Variants in B3GALNT2 observed in about 807,000 individuals in gnomAD.
B3GALNT2 encodes the protein beta-1,3-N-acetylgalactosaminyltransferase 2, also known as UDP-GalNAc:beta-1,3-N-acetylgalactosaminyltransferase 2.
In B3GALNT2, 53 loss-of-function variants were observed where a neutral mutation model predicts 61.1. The observed-to-expected ratio is 0.87, with a 90% CI of 0.70 to 1.09. The LOEUF is 1.09. Ranked by LOEUF, B3GALNT2 falls within the 50% of genes least tolerant of loss-of-function variation. The pLI is 0.00. For synonymous variants in B3GALNT2, 223 were observed against 237.4 expected (o/e 0.94, Z 0.56); for missense variants, 544 against 623.0 (o/e 0.87, Z 1.35).
At chr1:235,467,509 A>T (rs1683761406) in intron 6 of B3GALNT2, among the ~76,000 whole-genome samples, 1 of 143,404 alleles carries the variant, frequency 7.0e-6, no homozygotes, top group African/African-American at 2.6e-5. Flanking sequence ...TTTGAGACGA[A>T]GTCTTGCTCT....
chr1:235,458,554 AAACT>A, intron 8 of B3GALNT2, 45 bp downstream of exon 8: 3 of 1,533,916 alleles, frequency 2.0e-6, no homozygotes, highest in Non-Finnish European at 2.6e-6. Flanking sequence ...AAAAAAAAAA[AAACT>A]AACAATAAAA....
intron 5 of B3GALNT2, among the ~76,000 whole-genome samples, chr1:235,476,187 G>A (rs909095671): frequency 6.7e-6 from 1 of 150,320 alleles, no homozygotes; most frequent in Non-Finnish European, 1.5e-5. Flanking sequence ...GCAGGCGGGC[G>A]GATCATGAGA....
At chr1:235,491,801 G>C (rs1685084609) in intron 2 of B3GALNT2, among the ~76,000 whole-genome samples, 3 of 151,676 alleles carry the variant, frequency 2.0e-5, no homozygotes, top group Admixed American at 2.0e-4. Flanking sequence ...GCCTCTCACA[G>C]TCATATGCTT....
chr1:235,462,460 AATC>A (rs976545604), intron 7 of B3GALNT2, among the ~76,000 whole-genome samples: 4 of 152,222 alleles, frequency 2.6e-5, no homozygotes, highest in Non-Finnish European at 5.9e-5. Flanking sequence ...GCATGTAGAA[AATC>A]ATAAGGTCTA....
chr1:235,466,459 CT>C (rs2102805694), intron 6 of B3GALNT2, among the ~76,000 whole-genome samples: 1 of 152,262 alleles, frequency 6.6e-6, no homozygotes, highest in African/African-American at 2.4e-5. Context: ...AACATACAAT[CT>C]TCCCATCTCA....
intron 1 of B3GALNT2, among the ~76,000 whole-genome samples, chr1:235,498,186 T>C (rs1211279050): frequency 6.6e-6 from 1 of 152,264 alleles, no homozygotes; most frequent in African/African-American, 2.4e-5. Context: ...CATAATAAAA[T>C]ACCTATGTAA....
At chr1:235,482,638 T>C (rs1016099195) in intron 4 of B3GALNT2, among the ~76,000 whole-genome samples, 1 of 151,964 alleles carries the variant, frequency 6.6e-6, no homozygotes, top group African/African-American at 2.4e-5. Context: ...CTGAGGAATA[T>C]AATAGGATCC....
In B3GALNT2 at chr1:235,448,422, G is replaced by A; in HGVS notation, c.*1784C>T. ...AAGTTCCTGTGTCAGACCTTCTGTT[G>A]TCCTATGAAAGTCCCAAAGTAAGTT... On this transcript the variant is annotated 3_prime_UTR_variant, in exon 12 of 12. Transcript: ENST00000366600. The A allele has an allele frequency of 6.2e-7, 1 of 1,614,048 alleles. No homozygotes were observed. Among genetic ancestry groups the A allele is most frequent in the Non-Finnish European group, 8.5e-7 (1 of 1,179,996 alleles).
chr1:235,463,556 T>C (rs1371955160), intron 7 of B3GALNT2: 4 of 150,018 alleles, frequency 2.7e-5, no homozygotes, highest in African/African-American at 7.4e-5. Context: ...GGATTCACAT[T>C]TCCTAATTTC....
At chr1:235,463,183 T>TG (rs1042794761) in intron 7 of B3GALNT2, among the ~76,000 whole-genome samples, 18 of 152,008 alleles carry the variant, frequency 1.2e-4, no homozygotes, top group Admixed American at 3.3e-4. Flanking sequence ...GCTATGAGGA[T>TG]GCAAAGGCAT....
chr1:235,497,879 G>A (rs924504022), intron 1 of B3GALNT2, among the ~76,000 whole-genome samples: 7 of 152,100 alleles, frequency 4.6e-5, no homozygotes, highest in Non-Finnish European at 7.3e-5. Flanking sequence ...AAAATCCCAT[G>A]GATTATGGAT....
intron 7 of B3GALNT2, among the ~76,000 whole-genome samples, chr1:235,461,798 G>C (rs1453168319): frequency 6.6e-6 from 1 of 152,116 alleles, no homozygotes; most frequent in Non-Finnish European, 1.5e-5. Flanking sequence ...TACAGGCATT[G>C]AGCTACTGCA....
chr1:235,450,920 G>A (rs1208797892), intron 11 of B3GALNT2: 1 of 152,290 alleles, frequency 6.6e-6, no homozygotes, highest in Non-Finnish European at 1.5e-5. Context: ...ACGTGAATTG[G>A]TTTCTATTTC....
intron 8 of B3GALNT2, among the ~76,000 whole-genome samples, 192 bp downstream of exon 8, chr1:235,458,409 GCA>G (rs1409774877): frequency 6.6e-6 from 1 of 151,738 alleles, no homozygotes; most frequent in African/African-American, 2.4e-5. Context: ...GAACAATAAG[GCA>G]CAGTGTCATG....
intron 6 of B3GALNT2, among the ~76,000 whole-genome samples, chr1:235,469,549 C>A (rs1302631885): frequency 1.4e-4 from 22 of 151,958 alleles, no homozygotes; most frequent in Non-Finnish European, 2.9e-5. Flanking sequence ...ATCTTATTTT[C>A]TATTTTTTTT....
rs902895537 is a variant in B3GALNT2, at chr1:235,447,938, G to A, written c.*2268C>T. ...GGTAAAATGAAAGATACAGCCAGGC[G>A]CTGGGCTCATGCTTGTAATCCCAGC... On this transcript the variant is annotated 3_prime_UTR_variant, in exon 12 of 12. Coordinates refer to ENST00000366600, the MANE Select transcript of B3GALNT2 (RefSeq NM_152490.5). Among the ~76,000 whole-genome samples, 16 of 151,820 alleles carry A rather than the reference G, an allele frequency of 1.1e-4. No homozygotes were observed. The highest frequency in any genetic ancestry group is 2.1e-4 in the South Asian group (1 of 4,816).
chr1:235,479,793 TTC>T, intron 5 of B3GALNT2: 1 of 326,598 alleles, frequency 3.1e-6, no homozygotes, highest in Non-Finnish European at 5.5e-6. Flanking sequence ...AATTGTGTAG[TTC>T]TCTACTCCAC....
intron 7 of B3GALNT2, among the ~76,000 whole-genome samples, chr1:235,461,292 A>T (rs1041337930): frequency 5.3e-5 from 8 of 152,172 alleles, no homozygotes; most frequent in African/African-American, 1.9e-4. Context: ...TGCTGGATTC[A>T]ATCAGTGATT....
intron 2 of B3GALNT2, 149 bp downstream of exon 2, chr1:235,494,532 C>A (rs1685222503): frequency 1.3e-6 from 1 of 773,590 alleles, no homozygotes; most frequent in Non-Finnish European, 2.1e-6. Flanking sequence ...TCATGGCTCA[C>A]TGCAGCCTCA....
Sources: gnomAD v4.1 joint callset for allele counts (sites outside exome capture counted in the v4.1 genomes callset) on GRCh38, gnomAD v4.1.1 for gene constraint, MANE v1.5 for transcripts, NCBI Gene and HGNC (gene_info 2026-07-23, HGNC 2026-07-21) for gene names.